Variants in PCDHA5 observed in about 807,000 individuals in gnomAD.
PCDHA5 encodes the protein protocadherin alpha 5.
A neutral mutation model predicts 61.6 loss-of-function variants in PCDHA5; 43 were observed. The observed-to-expected ratio is 0.70, with a 90% CI of 0.55 to 0.90. The LOEUF (loss-of-function observed/expected upper bound fraction) is 0.90. PCDHA5 is among the 40% of genes least tolerant of loss of function. The pLI is 0.00. For missense variants in PCDHA5, 1,298 were observed against 1,222.7 expected (o/e 1.06, Z -0.92); for synonymous variants, 627 against 543.9 (o/e 1.15, Z -2.13).
chr5:140,988,694 C>T (rs1328459106), intron 3 of PCDHA5, among the ~76,000 whole-genome samples: 1 of 152,180 alleles, frequency 6.6e-6, no homozygotes, highest in Non-Finnish European at 1.5e-5. Flanking sequence ...CCTAGACGCT[C>T]TGTATTTTCT....
At chr5:140,857,963 A>G (rs630162) in intron 1 of PCDHA5, 997,914 of 1,595,004 alleles carry the variant, frequency 0.63, 344,648 homozygotes, top group African/African-American at 0.69. Context: ...TCTGGATGAG[A>G]CTGACTCGCC....
intron 1 of PCDHA5, chr5:140,867,533 T>C (rs2050017163): frequency 6.6e-6 from 1 of 152,110 alleles, no homozygotes. Flanking sequence ...AATATATATA[T>C]AAAATATTAG....
chr5:140,843,097 G>A lies in PCDHA5; in HGVS notation c.2352+18970G>A, dbSNP rs2150352521. 1.9e-6 allele frequency: 3 copies of A among 1,595,590 alleles called. 1 individual carries two copies. The highest frequency in any genetic ancestry group is 1.1e-5 in the South Asian group (1 of 90,512). On this transcript the variant is annotated intron_variant, in intron 1 of 3. Transcript: ENST00000529859. ...CTGTGGGCGCGGGCCACGTGGTAGCGAAGGTGCGCGCAGTGGACGCCGACT... is the reference window on the plus strand; with the variant it reads ...CTGTGGGCGCGGGCCACGTGGTAGCAAAGGTGCGCGCAGTGGACGCCGACT...
intron 1 of PCDHA5, among the ~76,000 whole-genome samples, chr5:140,873,728 T>A (rs1208346643): frequency 6.6e-6 from 1 of 152,190 alleles, no homozygotes; most frequent in African/African-American, 2.4e-5. Flanking sequence ...TGGCGCAATC[T>A]CAGCTCACTG....
intron 1 of PCDHA5, among the ~76,000 whole-genome samples, chr5:140,937,615 T>TCAAAAAAAAAAAAAAAAAAAAAAAA (rs1472779704): frequency 5.3e-5 from 8 of 149,546 alleles, no homozygotes; most frequent in African/African-American, 2.0e-4. Context: ...ATACTCCATC[T>TCAAAAAAAAAAAAAAAAAAAAAAAA]AAAAAGAAAA....
intron 1 of PCDHA5, among the ~76,000 whole-genome samples, chr5:140,908,155 G>T (rs559304647): frequency 2.0e-5 from 3 of 152,194 alleles, no homozygotes; most frequent in African/African-American, 4.8e-5. Flanking sequence ...TCCTAGGAAG[G>T]GGCTGTAGTG....
chr5:140,988,750 C>G (rs1282256432), intron 3 of PCDHA5, among the ~76,000 whole-genome samples: 1 of 152,074 alleles, frequency 6.6e-6, no homozygotes, highest in Non-Finnish European at 1.5e-5. Context: ...GATTGGTGGC[C>G]TGGGCAGAAT....
At chr5:140,958,620 T>C (rs1260968586) in intron 1 of PCDHA5, among the ~76,000 whole-genome samples, 1 of 152,132 alleles carries the variant, frequency 6.6e-6, no homozygotes, top group African/African-American at 2.4e-5. Flanking sequence ...CTAGTCCAGC[T>C]TGAGAGTACT....
intron 1 of PCDHA5, chr5:140,843,132 A>G (rs1365552111): frequency 6.3e-7 from 1 of 1,596,010 alleles, no homozygotes; most frequent in Non-Finnish European, 8.6e-7. Context: ...TCGGGCTACA[A>G]CGCGTGGCTT....
At chr5:140,956,740 C>T in intron 1 of PCDHA5, among the ~76,000 whole-genome samples, 1 of 152,122 alleles carries the variant, frequency 6.6e-6, no homozygotes, top group East Asian at 1.9e-4. Context: ...CCTCTTTGTA[C>T]CTCTGATAGA....
rs1581464132 is a variant in PCDHA5, at chr5:140,857,670, T to A, written c.2352+33543T>A. 10 of 1,596,646 alleles carry A rather than the reference T, an allele frequency of 6.3e-6. No homozygotes were observed. In the East Asian group the frequency reaches 2.2e-4, roughly 36 times the overall value. ...CAGGTGAGCGCGCGCGATGGGGGCG[T>A]GCCGCCTCTGGGCAGCAACTTGACG... On this transcript the variant is annotated intron_variant, in intron 1 of 3. Transcript: ENST00000529859.
chr5:140,871,823 C>T (rs900166925), intron 1 of PCDHA5, among the ~76,000 whole-genome samples: 1 of 152,144 alleles, frequency 6.6e-6, no homozygotes, highest in African/African-American at 2.4e-5. Context: ...TACCCATGCC[C>T]CTTCATCTCT....
intron 1 of PCDHA5, among the ~76,000 whole-genome samples, chr5:140,941,270 T>C (rs1437273239): frequency 1.2e-4 from 17 of 136,774 alleles, no homozygotes; most frequent in Admixed American, 2.3e-4. Flanking sequence ...TCTTTCTTTC[T>C]TTCCTTCCTT....
At chr5:140,861,605 T>C in intron 1 of PCDHA5, 2 of 362,576 alleles carry the variant, frequency 5.5e-6, no homozygotes, top group Non-Finnish European at 1.1e-5. Context: ...TGAAGAACAA[T>C]AAAGACAACC....
chr5:140,959,301 G>A (rs139206577), intron 1 of PCDHA5, among the ~76,000 whole-genome samples: 161 of 152,140 alleles, frequency 1.1e-3, no homozygotes, highest in Non-Finnish European at 1.1e-3. Context: ...CACTGAGCCC[G>A]GTGGTTGAAG....
chr5:140,903,279 A>C (rs940299316), intron 1 of PCDHA5, among the ~76,000 whole-genome samples: 1 of 152,170 alleles, frequency 6.6e-6, no homozygotes, highest in East Asian at 1.9e-4. Flanking sequence ...GTAGTGTCTC[A>C]TTGTGCATTA....
intron 1 of PCDHA5, among the ~76,000 whole-genome samples, chr5:140,969,836 T>C (rs1349045341): frequency 6.6e-6 from 1 of 152,224 alleles, no homozygotes; most frequent in Non-Finnish European, 1.5e-5. Flanking sequence ...ACAGTGGAAA[T>C]TATCTAGTTA....
intron 1 of PCDHA5, among the ~76,000 whole-genome samples, chr5:140,879,111 T>A (rs1056977716): frequency 2.0e-4 from 30 of 152,184 alleles, no homozygotes; most frequent in African/African-American, 7.2e-4. Flanking sequence ...ATGGTGTAAT[T>A]GAAGGATTAG....
At chr5:140,836,828 T>C (rs1233722756) in intron 1 of PCDHA5, 27 of 957,894 alleles carry the variant, frequency 2.8e-5, no homozygotes, top group Non-Finnish European at 3.7e-5. Flanking sequence ...TCTTTTTTAG[T>C]TGATAGCTTT....
Sources: gnomAD v4.1 joint callset for allele counts (sites outside exome capture counted in the v4.1 genomes callset) on GRCh38, gnomAD v4.1.1 for gene constraint, MANE v1.5 for transcripts, NCBI Gene and HGNC (gene_info 2026-07-23, HGNC 2026-07-21) for gene names.